PCDHGB7: variants seen among roughly 807,000 people sequenced by gnomAD.
PCDHGB7 encodes the protein protocadherin gamma-B7.
A neutral mutation model predicts 61.4 loss-of-function variants in PCDHGB7; 37 were observed. The ratio of observed to expected loss-of-function variants is 0.60; its 90% confidence interval spans 0.46 to 0.79. The LOEUF (loss-of-function observed/expected upper bound fraction) is 0.79, where lower values mean the gene tolerates loss of function less well. PCDHGB7 is among the 30% of genes least tolerant of loss of function. The pLI, the probability that PCDHGB7 is intolerant of heterozygous loss-of-function variation, is 0.00. For missense variants in PCDHGB7, 1,166 were observed against 1,202.5 expected (o/e 0.97, Z 0.45); for synonymous variants, 464 against 503.5 (o/e 0.92, Z 1.05).
chr5:141,499,408 G>C (rs1178843162), intron 2 of PCDHGB7, among the ~76,000 whole-genome samples: 1 of 151,896 alleles, frequency 6.6e-6, no homozygotes, highest in Non-Finnish European at 1.5e-5. Context: ...GCTCATTATA[G>C]AAACATGAAA....
chr5:141,489,220 C>G lies in PCDHGB7; in HGVS notation c.2416-5587C>G. The G allele has an allele frequency of 6.6e-7, 1 of 1,508,698 alleles. No individual in the cohort carries two copies. Among genetic ancestry groups the G allele is most frequent in the South Asian group, 1.3e-5 (1 of 75,604 alleles). The allele number at this position is 1,508,698 out of a possible 1,614,324, so 93.5% of individuals were successfully genotyped here. A position where few individuals can be genotyped will look rare whatever the true frequency, so the allele number is the denominator to read the frequency against. ...AGACAGGACAGCACAGACTTACTCT[C>G]CACAAAGGGACTTCTGGGTCATGGG... On this transcript the variant is annotated intron_variant, in intron 1 of 3. Transcript: ENST00000398594. The surrounding 1 kb of genome is among the most constrained non-coding windows in gnomAD (Gnocchi z 4.5).
At chr5:141,422,167 A>G in intron 1 of PCDHGB7, 1 of 1,562,764 alleles carries the variant, frequency 6.4e-7, no homozygotes, top group Non-Finnish European at 8.6e-7. Context: ...TGAAAAATAT[A>G]GATTCTATGA....
At chr5:141,501,841 C>T (rs2099811330) in intron 2 of PCDHGB7, among the ~76,000 whole-genome samples, 1 of 152,130 alleles carries the variant, frequency 6.6e-6, no homozygotes, top group African/African-American at 2.4e-5. Flanking sequence ...CTGTTTGGCC[C>T]TCAACCTTCA....
In PCDHGB7 at chr5:141,487,715, C is replaced by T. The variant is rs1209272301; in HGVS notation, c.2416-7092C>T. 2.5e-6 allele frequency: 4 copies of T among 1,582,708 alleles called. No individual in the cohort carries two copies. The highest frequency in any genetic ancestry group is 1.8e-5 in the Admixed American group (1 of 54,696). The stretch of plus-strand genomic sequence containing the variant: ...GAGTACTGGCCTCTCAGTAAGTGCC[C>T]ATAGTGATGTCACCATTTTTGTAAG... On this transcript the variant is annotated intron_variant, in intron 1 of 3. Transcript: ENST00000398594. This position sits in a 1 kb window ranked among gnomAD's most constrained non-coding sequence, Gnocchi z 5.0.
At chr5:141,483,660 G>T (rs943362284) in intron 1 of PCDHGB7, among the ~76,000 whole-genome samples, 4 of 152,094 alleles carry the variant, frequency 2.6e-5, no homozygotes, top group Admixed American at 2.0e-4. Flanking sequence ...GTGTGTGTGT[G>T]TGTGTGTGTA....
chr5:141,461,334 G>T (rs558562450), intron 1 of PCDHGB7, among the ~76,000 whole-genome samples: 75 of 152,166 alleles, frequency 4.9e-4, no homozygotes, highest in African/African-American at 1.7e-3. Flanking sequence ...GGCCATTCTT[G>T]CAGGACCAAG....
In PCDHGB7 at chr5:141,489,180, C is replaced by T. The variant is rs942218118; in HGVS notation, c.2416-5627C>T. 7.9e-7 allele frequency: 1 copy of T among 1,259,748 alleles called. No homozygotes were observed. The highest frequency in any genetic ancestry group is 2.0e-4 in the Middle Eastern group (1 of 5,096). The allele number at this position is 1,259,748 out of a possible 1,614,324, so 78.0% of individuals were successfully genotyped here. A position where few individuals can be genotyped will look rare whatever the true frequency, so the allele number is the denominator to read the frequency against. On this transcript the variant is annotated intron_variant, in intron 1 of 3. Coordinates refer to ENST00000398594, the MANE Select transcript of PCDHGB7 (RefSeq NM_018927.4). This position sits in a 1 kb window ranked among gnomAD's most constrained non-coding sequence, Gnocchi z 4.5. ...GACTTCAGCTGCTGCATTCCAAGCCCTGGGTCTACCTTGGAGACAGGACAG... is the reference window on the plus strand; with the variant it reads ...GACTTCAGCTGCTGCATTCCAAGCCTTGGGTCTACCTTGGAGACAGGACAG...
Position 141,418,384 on chromosome 5 carries a change from C to A in PCDHGB7, c.525C>A (p.Asn175Lys), listed in dbSNP as rs774636792. 1.5e-5 allele frequency: 25 copies of A among 1,613,864 alleles called. No homozygotes were observed. The highest frequency in any genetic ancestry group is 4.5e-5 in the East Asian group (2 of 44,896). Residue 175 changes from asparagine to lysine, a missense_variant, in exon 1 of 4, where the codon AAC becomes AAA. Asn to Lys is a moderately conservative substitution (Grantham distance 94, BLOSUM62 0). Transcript: ENST00000398594. The stretch of plus-strand genomic sequence containing the variant: ...TGAGCAAATACCAACTAAGTCCTAA[C>A]GAGTATTTCTCATTGGTGGAGAAAG... ...NSLSKYQLSP[N>K]EYFSLVEKDN...
At position 141,476,251 on chromosome 5, in the gene PCDHGB7, C is replaced by T; in HGVS notation, c.2416-18556C>T. On this transcript the variant is annotated intron_variant, in intron 1 of 3. Coordinates refer to ENST00000398594, the MANE Select transcript of PCDHGB7 (RefSeq NM_018927.4). This position sits in a 1 kb window ranked among gnomAD's most constrained non-coding sequence, Gnocchi z 7.6. The stretch of plus-strand genomic sequence containing the variant: ...TCCCGGAGGAAAGAGAGAAGGGTTT[C>T]GCTGTGGGCAACGTGGTCGCGAACC... 1 of 1,613,866 alleles carries T rather than the reference C, an allele frequency of 6.2e-7. No homozygotes were observed. The highest frequency in any genetic ancestry group is 8.5e-7 in the Non-Finnish European group (1 of 1,179,978).
At chr5:141,428,154 T>G (rs760002801) in intron 1 of PCDHGB7, 29 of 1,578,806 alleles carry the variant, frequency 1.8e-5, no homozygotes, top group African/African-American at 1.3e-5. Flanking sequence ...CACGGGAACC[T>G]GCTGGTTGCT....
rs762476625 is a variant in PCDHGB7 at position 141,420,218 on chromosome 5, C to A, written c.2359C>A (p.Leu787Ile). Residue 787 changes from leucine to isoleucine, a missense_variant, in exon 1 of 4, where the codon CTA becomes ATA. Coordinates refer to ENST00000398594, the MANE Select transcript of PCDHGB7 (RefSeq NM_018927.4). ...TQDNLNKDSM[L>I]LASILTPSVE... The stretch of plus-strand genomic sequence containing the variant: ...AGATAACCTCAACAAAGATAGCATG[C>A]TACTGGCTAGCATTTTAACTCCCAG... 4 of 1,608,408 alleles carry A rather than the reference C, an allele frequency of 2.5e-6. No individual in the cohort carries two copies. In the South Asian group the frequency reaches 4.4e-5, roughly 18 times the overall value.
At position 141,487,760 on chromosome 5, in the gene PCDHGB7, G is replaced by T; in HGVS notation, c.2416-7047G>T. On this transcript the variant is annotated intron_variant, in intron 1 of 3. Transcript: ENST00000398594. The surrounding 1 kb of genome is among the most constrained non-coding windows in gnomAD (Gnocchi z 5.0). Reference sequence around the variant, plus strand: ...TGTAAGAGGTAACTATGTGGTAGACGCTGTGCTTTGTAACTGTTTCGTGAA... The same window carrying T: ...TGTAAGAGGTAACTATGTGGTAGACTCTGTGCTTTGTAACTGTTTCGTGAA... 1 of 1,545,950 alleles carries T rather than the reference G, an allele frequency of 6.5e-7. No individual in the cohort carries two copies. The highest frequency in any genetic ancestry group is 1.4e-5 in the African/African-American group (1 of 73,162).
chr5:141,423,749 T>TG, intron 1 of PCDHGB7: 2 of 272,262 alleles, frequency 7.3e-6, no homozygotes, highest in Non-Finnish European at 4.7e-6. Flanking sequence ...TGAAAACTGT[T>TG]TGGGGGGGGG....
chr5:141,489,558 G>A lies in PCDHGB7; in HGVS notation c.2416-5249G>A. On this transcript the variant is annotated intron_variant, in intron 1 of 3. Coordinates refer to ENST00000398594, the MANE Select transcript of PCDHGB7 (RefSeq NM_018927.4). The surrounding 1 kb of genome is among the most constrained non-coding windows in gnomAD (Gnocchi z 4.5). ...CCAGCACCAGCTGCCTGCTGCCAGT[G>A]CAGGTGGTGACTGAACACCCCCTGG... 1 of 1,614,130 alleles carries A rather than the reference G, an allele frequency of 6.2e-7. No individual in the cohort carries two copies. Among genetic ancestry groups the A allele is most frequent in the Non-Finnish European group, 8.5e-7 (1 of 1,180,024 alleles).
chr5:141,421,834 C>A, intron 1 of PCDHGB7: 2 of 1,613,748 alleles, frequency 1.2e-6, no homozygotes. Flanking sequence ...AAGCCTGGAC[C>A]GAGAGAAAGA....
At chr5:141,449,658 C>T (rs1413506303) in intron 1 of PCDHGB7, among the ~76,000 whole-genome samples, 5 of 149,582 alleles carry the variant, frequency 3.3e-5, no homozygotes, top group Admixed American at 3.3e-4. Flanking sequence ...TTTACATACA[C>T]ACCCAAGTGT....
At chr5:141,479,633 T>TAACAAC (rs749744124) in intron 1 of PCDHGB7, 1 of 152,114 alleles carries the variant, frequency 6.6e-6, no homozygotes, top group Admixed American at 6.5e-5. Flanking sequence ...TCTTTAACAA[T>TAACAAC]AACAACAACA....
chr5:141,492,007 C>A, intron 1 of PCDHGB7: 1 of 629,072 alleles, frequency 1.6e-6, no homozygotes, highest in Non-Finnish European at 2.6e-6. Flanking sequence ...GCGATTTCCG[C>A]GGGTGTCGGG....
chr5:141,495,921 T>C (rs959070876), intron 2 of PCDHGB7, among the ~76,000 whole-genome samples: 1 of 152,196 alleles, frequency 6.6e-6, no homozygotes, highest in Non-Finnish European at 1.5e-5. Context: ...TCTTTCTTTG[T>C]CTCTGTCTCT....
Sources: allele counts gnomAD v4.1 joint callset (sites outside exome capture counted in the v4.1 genomes callset), GRCh38; gene constraint gnomAD v4.1.1; non-coding constraint Gnocchi (gnomAD v3.1); transcripts MANE v1.5; gene names NCBI Gene and HGNC (gene_info 2026-07-23, HGNC 2026-07-21).